The following NOS1 variants were observed in gnomAD, a reference collection of about 807,000 sequenced individuals.
NOS1 encodes the protein NOS type I.
In NOS1, 51 loss-of-function variants were observed where a neutral mutation model predicts 164.5. The ratio of observed to expected loss-of-function variants is 0.31; its 90% CI spans 0.25 to 0.39. The LOEUF is 0.39. Ranked by LOEUF, NOS1 falls within the 10% of genes least tolerant of loss-of-function variation. NOS1 has a pLI of 1.00. For synonymous variants in NOS1, 719 were observed against 745.8 expected (o/e 0.96, Z 0.59); for missense variants, 1,362 against 1,885.6 (o/e 0.72, Z 5.14).
chr12:117,347,009 G>A (rs556566454), intron 1 of NOS1, among the ~76,000 whole-genome samples: 6 of 152,038 alleles, frequency 3.9e-5, no homozygotes, highest in South Asian at 4.2e-4. Flanking sequence ...GTTTCAGGCC[G>A]GGCATGGTGG....
intron 26 of NOS1, among the ~76,000 whole-genome samples, chr12:117,221,400 C>G (rs181003278): frequency 6.6e-6 from 1 of 151,476 alleles, no homozygotes; most frequent in African/African-American, 2.4e-5. Context: ...CCACCCACCT[C>G]GGCCTCCCAA....
At chr12:117,324,692 G>T (rs942205428) in intron 2 of NOS1, among the ~76,000 whole-genome samples, 3 of 144,350 alleles carry the variant, frequency 2.1e-5, no homozygotes, top group Non-Finnish European at 4.4e-5. Flanking sequence ...CTCCAGCCTG[G>T]GCTACAGAGC....
At chr12:117,261,236 A>C (rs564456820) in intron 13 of NOS1, among the ~76,000 whole-genome samples, 1 of 152,020 alleles carries the variant, frequency 6.6e-6, no homozygotes, top group Admixed American at 6.6e-5. Context: ...ATGAATTAAA[A>C]GGAGTAGTTA....
In NOS1 at chr12:117,214,984, GAAA is replaced by G. The variant is rs1161908216; in HGVS notation, c.*322_*324del. Reference sequence around the variant, plus strand: ...GCAGCCTTTCCAGGGGAACCCCAGAGAAAAAAACCCCCACAGCGACGGCCATGT... The same window carrying G: ...GCAGCCTTTCCAGGGGAACCCCAGAGAAAACCCCCACAGCGACGGCCATGT... On this transcript the variant is annotated 3_prime_UTR_variant, in exon 29 of 29. Transcript: ENST00000317775. 1.8e-5 allele frequency: 20 copies of G among 1,110,220 alleles called. No homozygotes were observed. The highest frequency in any genetic ancestry group is 2.1e-5 in the Non-Finnish European group (19 of 911,422). The allele number at this position is 1,110,220 out of a possible 1,614,324, so 68.8% of individuals were successfully genotyped here. A position where few individuals can be genotyped will look rare whatever the true frequency, so the allele number is the denominator to read the frequency against.
At chr12:117,263,575 CTATTATTATTATTATTAT>C (rs71099036) in intron 13 of NOS1, among the ~76,000 whole-genome samples, 6,007 of 141,822 alleles carry the variant, frequency 0.042, 177 homozygotes, top group Non-Finnish European at 0.06. Flanking sequence ...CAAGGTATTA[CTATTATTATTATTATTAT>C]TATTATTATT....
rs774290291 is a variant in NOS1, at chr12:117,330,630, A to T, written c.440T>A (p.Leu147Gln). Residue 147 changes from leucine (L) to glutamine (Q), a missense_variant, in exon 2 of 29, where the codon CTG (leucine) becomes CAG (glutamine). This residue lies in a region of NOS1 where 362 missense variants were observed against 402.0 expected (regional missense o/e 0.90). Transcript: ENST00000317775. The surrounding 1 kb of genome is among the most constrained non-coding windows in gnomAD (Gnocchi z 4.6). ...GGGACCCGAGGCCCCATCCACTGCC[A>T]GGGGCTGTTCTTTGCCGGCCGGTGG... The part of the protein sequence containing the change: ...HQPPAGKEQP[L>Q]AVDGASGPGN... 1 of 1,612,018 alleles carries T rather than the reference A, an allele frequency of 6.2e-7. No individual in the cohort carries two copies. Among genetic ancestry groups the T allele is most frequent in the East Asian group, 2.2e-5 (1 of 44,784 alleles).
chr12:117,346,950 C>A (rs2136089564), intron 1 of NOS1, among the ~76,000 whole-genome samples: 1 of 152,244 alleles, frequency 6.6e-6, no homozygotes, highest in South Asian at 2.1e-4. Flanking sequence ...TTGGTTAATA[C>A]AGTTAAATTT....
intron 13 of NOS1, among the ~76,000 whole-genome samples, chr12:117,263,646 C>T (rs565032401): frequency 5.3e-5 from 8 of 150,768 alleles, no homozygotes; most frequent in Non-Finnish European, 7.4e-5. Flanking sequence ...ACCAACACAC[C>T]ATTGCCCCCA....
intron 1 of NOS1, among the ~76,000 whole-genome samples, chr12:117,345,588 G>C (rs1232089927): frequency 6.6e-6 from 1 of 152,220 alleles, no homozygotes; most frequent in Non-Finnish European, 1.5e-5. Flanking sequence ...ATTTAGTGCT[G>C]TAAGGGAACC....
chr12:117,331,513 A>G (rs1018904994), intron 1 of NOS1, 24 bp from the exon 2 acceptor site: 1 of 158,864 alleles, frequency 6.3e-6, no homozygotes, highest in African/African-American at 2.4e-5. Flanking sequence ...ACAGGAGGGG[A>G]TGAAAAGAAT....
Position 117,330,464 on chromosome 12 carries a change from G to A in NOS1, c.606C>T (p.Asn202=), listed in dbSNP as rs1031458060. The change falls in exon 2 of 29, where the codon AAC becomes AAT. Residue 202 remains asparagine, a synonymous_variant. Transcript: ENST00000317775. The surrounding 1 kb of genome is among the most constrained non-coding windows in gnomAD (Gnocchi z 4.6). ...GCTCTATCTCCTTGAGCAGTTCATT[G>A]TTCTCCCCTCTGCCTTGGAGGCTGA... The part of the protein sequence containing the change: ...TRVSLQGRGE[N]NELLKEIEPV... The A allele has an allele frequency of 3.7e-6, 6 of 1,614,090 alleles. No homozygotes were observed. In the African/African-American group the frequency reaches 4.0e-5, roughly 11 times the overall value.
At position 117,280,716 on chromosome 12, in the gene NOS1, C is replaced by A; in HGVS notation, c.1524+9G>T. 6.2e-7 allele frequency: 1 copy of A among 1,611,302 alleles called. No homozygotes were observed. Among genetic ancestry groups the A allele is most frequent in the South Asian group, 1.1e-5 (1 of 90,826 alleles). On this transcript the variant is annotated intron_variant, in intron 8 of 28. Coordinates refer to ENST00000317775, the MANE Select transcript of NOS1 (RefSeq NM_000620.5). ...GTTGGGGCAGGGTAGGGGGCGGAAA[C>A]GCTCGCACCTCTGTGAACTGCACAT... is the stretch of plus-strand genomic sequence containing the variant.
chr12:117,245,169 G>T (rs1870523853), intron 18 of NOS1, among the ~76,000 whole-genome samples: 2 of 152,140 alleles, frequency 1.3e-5, no homozygotes, highest in Admixed American at 6.5e-5. Flanking sequence ...AGGATGAAAA[G>T]CGCCAACTGA....
At chr12:117,216,824 GAT>G (rs1420820290) in intron 28 of NOS1, among the ~76,000 whole-genome samples, 1 of 152,122 alleles carries the variant, frequency 6.6e-6, no homozygotes, top group African/African-American at 2.4e-5. Context: ...TAAAGACAAT[GAT>G]ATGAGTCTAC....
At chr12:117,250,280 G>C (rs568621268) in intron 17 of NOS1, among the ~76,000 whole-genome samples, 214 of 150,882 alleles carry the variant, frequency 1.4e-3, no homozygotes, top group Middle Eastern at 0.014. Flanking sequence ...GAATTCCAGA[G>C]CCTTTCCAAA....
At chr12:117,290,475 T>C in intron 3 of NOS1, 49 bp from the exon 4 acceptor site, 2 of 1,566,276 alleles carry the variant, frequency 1.3e-6, no homozygotes, top group South Asian at 2.4e-5. Context: ...TTGAGTGGAC[T>C]GTAACATTGT....
intron 28 of NOS1, among the ~76,000 whole-genome samples, chr12:117,215,580 C>A (rs1956594172): frequency 6.6e-6 from 1 of 151,992 alleles, no homozygotes; most frequent in South Asian, 2.1e-4. Context: ...TTACAGGTGC[C>A]TGCCACCACG....
In NOS1 at chr12:117,209,278, C is replaced by T; in HGVS notation, c.*6031G>A. ...TGACATACTTGATTGTTACCGTTGG[C>T]AGGACACTGCTACAGGTATCTTGTG... On this transcript the variant is annotated 3_prime_UTR_variant, in exon 29 of 29. Transcript: ENST00000317775. 1.0e-6 allele frequency: 1 copy of T among 967,082 alleles called. No individual in the cohort carries two copies. Among genetic ancestry groups the T allele is most frequent in the Non-Finnish European group, 1.2e-6 (1 of 813,158 alleles). The allele number at this position is 967,082 out of a possible 1,614,324, so 59.9% of individuals were successfully genotyped here.
rs1482596598 is a variant in NOS1, at chr12:117,218,275, C to G, written c.4171-111G>C. The stretch of plus-strand genomic sequence containing the variant: ...GGAATATCCCTAAGGAAGATGGTTC[C>G]CAAAGAGATGAGGCTGAAGCCAGTG... On this transcript the variant is annotated intron_variant, in intron 27 of 28. Coordinates refer to ENST00000317775, the MANE Select transcript of NOS1 (RefSeq NM_000620.5). 3.7e-6 allele frequency: 3 copies of G among 806,880 alleles called. No individual in the cohort carries two copies. In the African/African-American group the frequency reaches 5.1e-5, roughly 14 times the overall value. The allele number at this position is 806,880 out of a possible 1,614,324, so 50.0% of individuals were successfully genotyped here. A position where few individuals can be genotyped will look rare whatever the true frequency, so the allele number is the denominator to read the frequency against.
Sources: allele counts gnomAD v4.1 joint callset (sites outside exome capture counted in the v4.1 genomes callset), GRCh38; gene constraint gnomAD v4.1.1; regional missense constraint gnomAD v4.1.1; non-coding constraint Gnocchi (gnomAD v3.1); transcripts MANE v1.5; gene names NCBI Gene and HGNC (gene_info 2026-07-23, HGNC 2026-07-21).